The following PSD3 variants were observed in gnomAD, a reference collection of about 807,000 sequenced individuals.
PSD3 encodes PH and SEC7 domain-containing protein 3.
A neutral mutation model predicts 105.5 loss-of-function variants in PSD3; 49 were observed. That is an observed-to-expected ratio of 0.46 (90% confidence interval 0.37 to 0.59). The LOEUF (loss-of-function observed/expected upper bound fraction) is 0.59, where lower values mean the gene tolerates loss of function less well. PSD3 is among the 20% of genes least tolerant of loss of function. The probability of loss-of-function intolerance (pLI) is 0.00; values close to 1 mark genes in which losing one functional copy is unlikely to be tolerated. For missense variants in PSD3, 1,561 were observed against 1,263.8 expected (o/e 1.24, Z -3.57); for synonymous variants, 557 against 457.8 (o/e 1.22, Z -2.77).
At chr8:18,558,357 A>C (rs988724663) in intron 14 of PSD3, among the ~76,000 whole-genome samples, 3 of 152,244 alleles carry the variant, frequency 2.0e-5, no homozygotes, top group African/African-American at 7.2e-5. Context: ...TTCTAAAAAA[A>C]GTTTTAAATA....
At chr8:18,808,923 A>T in intron 4 of PSD3, 1 of 1,500,752 alleles carries the variant, frequency 6.7e-7, no homozygotes, top group Non-Finnish European at 8.9e-7. Context: ...CACTACTATG[A>T]CCTCACATTC....
In PSD3 at chr8:18,724,269, T is replaced by C. The variant is rs150205129; in HGVS notation, c.2172+41180A>G. On this transcript the variant is annotated intron_variant, in intron 9 of 15. Transcript: ENST00000327040. ...AGAAGAAAAATGAGGCAAAATCATA[T>C]TGGGCAAAACAAATAGCAGTAATAT... 3.6e-3 allele frequency among the ~76,000 whole-genome samples: 551 copies of C among 152,186 alleles called. 3 individuals are homozygous for C. The highest frequency in any genetic ancestry group is 0.012 in the African/African-American group (511 of 41,526).
intron 11 of PSD3, among the ~76,000 whole-genome samples, chr8:18,600,732 G>A (rs1216388083): frequency 6.6e-6 from 1 of 152,148 alleles, no homozygotes; most frequent in East Asian, 1.9e-4. Context: ...AGAGTAGAAG[G>A]CTGAAAAACC....
At chr8:18,725,614 A>C (rs1453764282) in intron 9 of PSD3, among the ~76,000 whole-genome samples, 1 of 152,152 alleles carries the variant, frequency 6.6e-6, no homozygotes, top group Non-Finnish European at 1.5e-5. Context: ...CCCAAAGTAA[A>C]GGACAGCCAG....
chr8:19,004,200 A>T (rs556285648), intron 1 of PSD3, among the ~76,000 whole-genome samples: 1 of 152,206 alleles, frequency 6.6e-6, no homozygotes, highest in African/African-American at 2.4e-5. Flanking sequence ...TTTTCTATAC[A>T]TAAAAGTCTC....
intron 4 of PSD3, chr8:18,849,794 A>AT (rs1815421328): frequency 6.6e-6 from 1 of 152,174 alleles, no homozygotes; most frequent in Non-Finnish European, 1.5e-5. Context: ...TTTTCTCCTT[A>AT]TATCTAAGGT....
chr8:18,674,230 G>C (rs1488303227), intron 9 of PSD3, among the ~76,000 whole-genome samples: 4 of 152,146 alleles, frequency 2.6e-5, no homozygotes, highest in Non-Finnish European at 4.4e-5. Context: ...ACTAATTTTA[G>C]AGGCTTTAAA....
chr8:18,566,007 G>C (rs996170529), intron 14 of PSD3, among the ~76,000 whole-genome samples: 2 of 152,122 alleles, frequency 1.3e-5, no homozygotes, highest in Non-Finnish European at 2.9e-5. Flanking sequence ...CTGGGTTAAA[G>C]GATGAGAGCT....
chr8:18,871,953 A>C lies in PSD3; in HGVS notation c.911T>G (p.Val304Gly). Residue 304 changes from valine (V) to glycine (G), a missense_variant, in exon 3 of 16, where the codon GTG becomes GGG. Transcript: ENST00000327040. ...GRVKHVEFQG[V>G]EILWTGGDKR... ...GTCTCCTCCTGTCCACAGTATTTCC[A>C]CTCCTTGAAATTCCACATGTTTGAC... The C allele has an allele frequency of 1.9e-6, 3 of 1,613,634 alleles. No homozygotes were observed. The highest frequency in any genetic ancestry group is 2.5e-6 in the Non-Finnish European group (3 of 1,179,892).
intron 10 of PSD3, among the ~76,000 whole-genome samples, chr8:18,655,013 G>C (rs911923269): frequency 6.6e-6 from 1 of 152,088 alleles, no homozygotes; most frequent in African/African-American, 2.4e-5. Context: ...TTTTCTTTTA[G>C]AATGTTACTT....
intron 9 of PSD3, among the ~76,000 whole-genome samples, chr8:18,660,223 A>T (rs1005382460): frequency 5.3e-5 from 8 of 152,176 alleles, no homozygotes; most frequent in African/African-American, 1.9e-4. Flanking sequence ...AGAAGGCAAC[A>T]TGAAGAGGAA....
chr8:19,068,213 T>A (rs1316132553), intron 1 of PSD3, among the ~76,000 whole-genome samples: 11 of 149,434 alleles, frequency 7.4e-5, no homozygotes, highest in Admixed American at 6.7e-4. Context: ...GGAATTGACA[T>A]GGGGGAAGCT....
intron 4 of PSD3, among the ~76,000 whole-genome samples, chr8:18,835,957 G>A (rs1045694295): frequency 1.3e-5 from 2 of 152,156 alleles, no homozygotes; most frequent in African/African-American, 4.8e-5. Flanking sequence ...TCAACAAATT[G>A]AGAAAAGACT....
At chr8:18,727,397 T>C (rs910891463) in intron 9 of PSD3, among the ~76,000 whole-genome samples, 3 of 144,524 alleles carry the variant, frequency 2.1e-5, no homozygotes, top group African/African-American at 7.7e-5. Context: ...TAATCGCAGC[T>C]ACTTGGGAAG....
In PSD3 at chr8:18,704,297, G is replaced by T. The variant is rs1801761512; in HGVS notation, c.2173-48612C>A. On this transcript the variant is annotated intron_variant, in intron 9 of 15. Transcript: ENST00000327040. ...ACTAGAGGACCAGTTCTAGCAAGAT[G>T]AACTTACACAATGGGGACCTTAAAC... Among the ~76,000 whole-genome samples, 8 of 152,274 alleles carry T rather than the reference G, an allele frequency of 5.3e-5. No individual in the cohort carries two copies. In the South Asian group the frequency reaches 1.7e-3, roughly 32 times the overall value.
In PSD3 at chr8:18,732,391, G is replaced by A. The variant is rs563685838; in HGVS notation, c.2172+33058C>T. 1.7e-4 allele frequency among the ~76,000 whole-genome samples: 26 copies of A among 152,318 alleles called. No individual in the cohort carries two copies. In the South Asian group the frequency reaches 3.3e-3, roughly 19 times the overall value. ...CTCTGTAACAAGCTACCCCAAAAGC[G>A]AGGGGCTTTAAATCATCATCAGTTC... On this transcript the variant is annotated intron_variant, in intron 9 of 15. Coordinates refer to ENST00000327040, the MANE Select transcript of PSD3 (RefSeq NM_015310.4).
chr8:18,585,379 C>T (rs961783019), intron 12 of PSD3, among the ~76,000 whole-genome samples: 5 of 151,996 alleles, frequency 3.3e-5, no homozygotes, highest in Admixed American at 2.0e-4. Context: ...GTGCAATGAC[C>T]CAATCTTGAC....
At chr8:18,750,917 T>A (rs979024682) in intron 9 of PSD3, among the ~76,000 whole-genome samples, 3 of 152,018 alleles carry the variant, frequency 2.0e-5, no homozygotes, top group Non-Finnish European at 2.9e-5. Context: ...GTATTTACAA[T>A]CCCTGAGTTA....
Position 18,753,864 on chromosome 8 carries a change from G to T in PSD3, c.2172+11585C>A, listed in dbSNP as rs143122488. Among the ~76,000 whole-genome samples the T allele has an allele frequency of 1.1e-4, 16 of 152,208 alleles. No individual in the cohort carries two copies. In the East Asian group the frequency reaches 3.1e-3, roughly 29 times the overall value. ...CATTACTTTGCAGTGCTGTAATGCA[G>T]CCATTCTGAGAGGCTACTGACGACA... On this transcript the variant is annotated intron_variant, in intron 9 of 15. Transcript: ENST00000327040.
Sources: gnomAD v4.1 joint callset for allele counts (sites outside exome capture counted in the v4.1 genomes callset) on GRCh38, gnomAD v4.1.1 for gene constraint, MANE v1.5 for transcripts, NCBI Gene and HGNC (gene_info 2026-07-23, HGNC 2026-07-21) for gene names.